Variants in GMPR observed in about 807,000 individuals in gnomAD.
GMPR encodes the protein guanosine monophosphate reductase.
GMPR carries 31 observed loss-of-function variants against 38.4 expected under a neutral mutation model. That is an observed-to-expected ratio of 0.81 (90% CI 0.61 to 1.09). The LOEUF is 1.09. Among genes scored for constraint, GMPR ranks in the 50% least tolerant of loss-of-function variants. The pLI, the probability that GMPR is intolerant of heterozygous loss-of-function variation, is 0.00. For missense variants in GMPR, 468 were observed against 453.7 expected (o/e 1.03, Z -0.29); for synonymous variants, 162 against 173.3 (o/e 0.93, Z 0.51).
At position 16,274,485 on chromosome 6, in the gene GMPR, G is replaced by T; in HGVS notation, c.536G>T (p.Gly179Val). ...TCCGGAGCAGATATCATCAAAGTGG[G>T]AGTTGGACCAGGTAAGACTTGTTAG... ...ILSGADIIKV[G>V]VGPGSVCTTR... The change falls in exon 5 of 9, where the codon GGA (glycine) becomes GTA (valine). Residue 179 changes from glycine to valine, a missense_variant. Transcript: ENST00000259727. 6.3e-7 allele frequency: 1 copy of T among 1,597,458 alleles called. No individual in the cohort carries two copies. Among genetic ancestry groups the T allele is most frequent in the Non-Finnish European group, 8.6e-7 (1 of 1,164,822 alleles).
chr6:16,277,294 T>C (rs1281496763), intron 5 of GMPR, among the ~76,000 whole-genome samples: 2 of 152,202 alleles, frequency 1.3e-5, no homozygotes, highest in African/African-American at 4.8e-5. Flanking sequence ...AATCCAGGCC[T>C]GGGGACACAG....
At chr6:16,247,026 G>A (rs901266647) in intron 2 of GMPR, 65 bp downstream of exon 2, 25 of 1,494,782 alleles carry the variant, frequency 1.7e-5, no homozygotes, top group East Asian at 1.4e-4. Context: ...ATCAGGAGCC[G>A]ACCCTGGCTT....
Position 16,288,836 on chromosome 6 carries a change from A to C in GMPR, c.698-1626A>C, listed in dbSNP as rs556061509. On this transcript the variant is annotated intron_variant, in intron 7 of 8. Coordinates refer to ENST00000259727, the MANE Select transcript of GMPR (RefSeq NM_006877.4). ...ACACACCAACCAGCATCCTGTGTCT[A>C]GCTCAGGTTTTGTGAATGCACCAAT... is the stretch of plus-strand genomic sequence containing the variant. Among the ~76,000 whole-genome samples the C allele has an allele frequency of 3.3e-5, 5 of 152,210 alleles. No individual in the cohort carries two copies. The East Asian group carries it at 9.7e-4, about 29-fold the overall frequency.
At chr6:16,266,611 G>T (rs533338942) in intron 4 of GMPR, among the ~76,000 whole-genome samples, 7 of 151,536 alleles carry the variant, frequency 4.6e-5, no homozygotes, top group African/African-American at 1.7e-4. Context: ...AACCATCCTG[G>T]CTAACACGGT....
intron 7 of GMPR, 108 bp from the exon 8 acceptor site, chr6:16,290,354 C>G: frequency 2.1e-6 from 2 of 942,808 alleles, no homozygotes; most frequent in Non-Finnish European, 3.4e-6. Context: ...TTGACTATAG[C>G]TGGGCGGGGA....
At chr6:16,278,313 C>T (rs138398665) in intron 5 of GMPR, among the ~76,000 whole-genome samples, 20 of 152,296 alleles carry the variant, frequency 1.3e-4, no homozygotes, top group African/African-American at 4.8e-4. Flanking sequence ...TTGGATTTTA[C>T]AGGCCGGGCA....
Position 16,278,866 on chromosome 6 carries a change from T to C in GMPR, c.630T>C (p.His210=), listed in dbSNP as rs739473. The change falls in exon 6 of 9, where the codon CAT becomes CAC. Residue 210 remains histidine (H), a synonymous_variant. Coordinates refer to ENST00000259727, the MANE Select transcript of GMPR (RefSeq NM_006877.4). ...SAVIECADSA[H]GLKGHIISDG... ...TCATTGAGTGTGCCGACTCTGCCCATGGCCTGAAGGGCCACATCATCTCTG... is the reference window on the plus strand; with the variant it reads ...TCATTGAGTGTGCCGACTCTGCCCACGGCCTGAAGGGCCACATCATCTCTG... 45,560 of 1,612,898 alleles carry C rather than the reference T, an allele frequency of 0.028. 1,771 individuals carry two copies. Among genetic ancestry groups the C allele is most frequent in the African/African-American group, 0.18 (13,538 of 74,976 alleles).
chr6:16,288,685 G>A (rs1363620537), intron 7 of GMPR, among the ~76,000 whole-genome samples: 1 of 152,244 alleles, frequency 6.6e-6, no homozygotes, highest in Admixed American at 6.5e-5. Context: ...TGCAGCCCCA[G>A]TGCGGATCCA....
intron 5 of GMPR, among the ~76,000 whole-genome samples, chr6:16,276,031 C>T (rs562144943): frequency 6.6e-6 from 1 of 151,834 alleles, no homozygotes; most frequent in Non-Finnish European, 1.5e-5. Context: ...GATCGCACTA[C>T]TGCACTCCAG....
rs767363434 is a variant in GMPR at position 16,250,258 on chromosome 6, C to A, written c.208-26C>A. On this transcript the variant is annotated intron_variant, in intron 2 of 8. Transcript: ENST00000259727. The stretch of plus-strand genomic sequence containing the variant: ...GGGGGGCTCTCACTTGGCTTCCCAT[C>A]CTAATGGTGCTGTTTTGTTTTCTAG... 4.2e-5 allele frequency: 57 copies of A among 1,365,998 alleles called. No individual in the cohort carries two copies. The Admixed American group carries it at 9.4e-4, about 22-fold the overall frequency. The allele number at this position is 1,365,998 out of a possible 1,614,324, so 84.6% of individuals were successfully genotyped here.
intron 4 of GMPR, 128 bp from the exon 5 acceptor site, chr6:16,274,287 T>A (rs1045180365): frequency 1.7e-5 from 11 of 657,762 alleles, no homozygotes; most frequent in Non-Finnish European, 2.7e-5. Flanking sequence ...AATTCTGTGT[T>A]CCTTTTTTGT....
At position 16,295,436 on chromosome 6, in the gene GMPR, A is replaced by G. The variant is rs1581671048; in HGVS notation, c.*250A>G. The G allele has an allele frequency of 2.7e-6, 1 of 376,802 alleles. No homozygotes were observed. The highest frequency in any genetic ancestry group is 4.0e-5 in the East Asian group (1 of 25,284). The allele number at this position is 376,802 out of a possible 1,614,324, so 23.3% of individuals were successfully genotyped here. ...CAGAACTCATAACCTCATTGTTCAA[A>G]CCAACACTTGCACCTTTCTCTTTTT... is the stretch of plus-strand genomic sequence containing the variant. On this transcript the variant is annotated 3_prime_UTR_variant, in exon 9 of 9. Transcript: ENST00000259727.
intron 2 of GMPR, among the ~76,000 whole-genome samples, chr6:16,247,695 G>A (rs555428605): frequency 1.3e-5 from 2 of 152,154 alleles, no homozygotes; most frequent in African/African-American, 4.8e-5. Context: ...AATTCTTGAC[G>A]CAACTCAACA....
At chr6:16,280,420 T>C (rs1379007417) in intron 6 of GMPR, among the ~76,000 whole-genome samples, 2 of 152,216 alleles carry the variant, frequency 1.3e-5, no homozygotes, top group African/African-American at 4.8e-5. Context: ...TCTACTGTGA[T>C]AGTATCTGAA....
intron 4 of GMPR, among the ~76,000 whole-genome samples, chr6:16,255,295 G>A (rs1326539718): frequency 6.6e-6 from 1 of 152,146 alleles, no homozygotes; most frequent in Non-Finnish European, 1.5e-5. Context: ...TTACAGGTGT[G>A]AGCCACCACA....
At chr6:16,285,346 C>T (rs1248101251) in intron 6 of GMPR, among the ~76,000 whole-genome samples, 1 of 152,216 alleles carries the variant, frequency 6.6e-6, no homozygotes, top group Non-Finnish European at 1.5e-5. Flanking sequence ...GAATTCAACC[C>T]TTGTACTAAA....
At chr6:16,289,592 A>G (rs1444479844) in intron 7 of GMPR, 1 of 152,134 alleles carries the variant, frequency 6.6e-6, no homozygotes, top group Admixed American at 6.5e-5. Context: ...CAGAATATGT[A>G]CTCTGGAAAT....
chr6:16,294,116 T>A (rs763513889), intron 8 of GMPR, among the ~76,000 whole-genome samples: 6 of 152,140 alleles, frequency 3.9e-5, no homozygotes, highest in Non-Finnish European at 8.8e-5. Flanking sequence ...GACAGTGAAA[T>A]GTTGCTTAGT....
At chr6:16,277,738 C>A (rs1759499289) in intron 5 of GMPR, among the ~76,000 whole-genome samples, 1 of 152,178 alleles carries the variant, frequency 6.6e-6, no homozygotes, top group South Asian at 2.1e-4. Flanking sequence ...TGATGAACAA[C>A]TCCCCTGGGG....
Sources: allele counts gnomAD v4.1 joint callset (sites outside exome capture counted in the v4.1 genomes callset), GRCh38; gene constraint gnomAD v4.1.1; transcripts MANE v1.5; gene names NCBI Gene and HGNC (gene_info 2026-07-23, HGNC 2026-07-21).